MGAM2: variants seen among roughly 807,000 people sequenced by gnomAD.
MGAM2 encodes maltase-glucoamylase 2 (putative).
In MGAM2, 98 loss-of-function variants were observed where a neutral mutation model predicts 96.1. The observed-to-expected ratio is 1.02, with a 90% CI of 0.87 to 1.21. MGAM2 has a LOEUF of 1.21. MGAM2 is among the 50% of genes most tolerant of loss of function. MGAM2 has a pLI of 0.00. For synonymous variants in MGAM2, 749 were observed against 414.8 expected (o/e 1.81, Z -9.79); for missense variants, 2,055 against 1,182.4 (o/e 1.74, Z -10.82).
At chr7:142,182,798 A>G (rs1342786765) in intron 32 of MGAM2, among the ~76,000 whole-genome samples, 3 of 152,100 alleles carry the variant, frequency 2.0e-5, no homozygotes, top group East Asian at 3.9e-4. Context: ...TTGCCTCTCT[A>G]TAGACTGGCA....
At chr7:142,167,243 G>A in intron 25 of MGAM2, 25 bp from the exon 26 acceptor site, 1 of 661,222 alleles carries the variant, frequency 1.5e-6, no homozygotes, top group Non-Finnish European at 2.8e-6. Flanking sequence ...CAGAGGCTGA[G>A]CAAGACTTTC....
intron 15 of MGAM2, among the ~76,000 whole-genome samples, chr7:142,151,395 C>A (rs1795575445): frequency 6.6e-6 from 1 of 152,158 alleles, no homozygotes; most frequent in East Asian, 1.9e-4. Context: ...AAAAAGAAAA[C>A]CTCTAGGAAG....
intron 7 of MGAM2, among the ~76,000 whole-genome samples, chr7:142,135,860 A>G (rs952430730): frequency 6.6e-6 from 1 of 152,072 alleles, no homozygotes; most frequent in Non-Finnish European, 1.5e-5. Flanking sequence ...CTTAAGTATT[A>G]TATGGTAACT....
chr7:142,171,009 A>G (rs559181461), intron 27 of MGAM2, among the ~76,000 whole-genome samples: 60 of 152,356 alleles, frequency 3.9e-4, no homozygotes, highest in Middle Eastern at 3.4e-3. Flanking sequence ...TGAAATAAAT[A>G]GAAGAATGAG....
intron 37 of MGAM2, among the ~76,000 whole-genome samples, chr7:142,194,038 T>A (rs1431740840): frequency 4.3e-5 from 3 of 69,662 alleles, no homozygotes; most frequent in Admixed American, 1.2e-4. Context: ...TTCTTCTTCT[T>A]TTTTTTTTTT....
chr7:142,141,965 T>G (rs113072096), intron 12 of MGAM2, among the ~76,000 whole-genome samples: 4 of 152,158 alleles, frequency 2.6e-5, no homozygotes, highest in African/African-American at 4.8e-5. Context: ...ATATGTAGGG[T>G]CAGCCCTAGA....
intron 26 of MGAM2, among the ~76,000 whole-genome samples, chr7:142,169,715 T>C (rs976949142): frequency 3.9e-5 from 6 of 152,018 alleles, no homozygotes; most frequent in Non-Finnish European, 8.8e-5. Context: ...CTAACATGCA[T>C]GCACACACAC....
Position 142,196,139 on chromosome 7 carries a change from T to A in MGAM2, c.4347-15T>A, listed in dbSNP as rs1442521092. 2.1e-6 allele frequency: 2 copies of A among 975,422 alleles called. No homozygotes were observed. Among genetic ancestry groups the A allele is most frequent in the Non-Finnish European group, 3.2e-6 (2 of 621,810 alleles). The allele number at this position is 975,422 out of a possible 1,614,324, so 60.4% of individuals were successfully genotyped here. A position where few individuals can be genotyped will look rare whatever the true frequency, so the allele number is the denominator to read the frequency against. On this transcript the variant is annotated splice_polypyrimidine_tract_variant and intron_variant, in intron 37 of 47. Coordinates refer to ENST00000477922, the MANE Select transcript of MGAM2 (RefSeq NM_001293626.2). ...TTTGTTTCTTCAACTCACCTCTTTA[T>A]TCCCCTCCCACCAGAGCTGTGCAGG...
chr7:142,178,201 A>G (rs1423417637), intron 32 of MGAM2, among the ~76,000 whole-genome samples: 1 of 152,040 alleles, frequency 6.6e-6, no homozygotes, highest in Admixed American at 6.5e-5. Context: ...CTACTTTTTA[A>G]TGGGATGGTT....
chr7:142,114,212 A>AAGAAAGAAAGAAAGAG (rs1291990105), intron 1 of MGAM2, among the ~76,000 whole-genome samples: 2 of 107,204 alleles, frequency 1.9e-5, no homozygotes, highest in East Asian at 3.3e-4. Flanking sequence ...GAAAGAAAGA[A>AAGAAAGAAAGAAAGAG]AGAGAGAAAG....
intron 32 of MGAM2, among the ~76,000 whole-genome samples, chr7:142,178,548 G>A (rs1007659732): frequency 3.3e-5 from 5 of 152,120 alleles, no homozygotes; most frequent in Non-Finnish European, 7.4e-5. Context: ...AAAGGTAGGA[G>A]TCCAGTACCA....
At chr7:142,132,179 A>G (rs1794909232) in intron 6 of MGAM2, 94 bp downstream of exon 6, 6 of 550,100 alleles carry the variant, frequency 1.1e-5, no homozygotes, top group Non-Finnish European at 1.9e-5. Context: ...AATCAGTACA[A>G]CTAGAGAAAA....
chr7:142,187,455 A>G (rs78928010), intron 35 of MGAM2, among the ~76,000 whole-genome samples: 218 of 152,338 alleles, frequency 1.4e-3, no homozygotes, highest in African/African-American at 5.0e-3. Context: ...GCATTACCTC[A>G]CTATTTTTGC....
intron 46 of MGAM2, among the ~76,000 whole-genome samples, chr7:142,215,411 A>G (rs1393083939): frequency 6.6e-6 from 1 of 152,008 alleles, no homozygotes; most frequent in Non-Finnish European, 1.5e-5. Context: ...TACCTATGTA[A>G]CAAACCTGCA....
At chr7:142,178,460 TTTC>T (rs1228837780) in intron 32 of MGAM2, among the ~76,000 whole-genome samples, 2 of 152,146 alleles carry the variant, frequency 1.3e-5, no homozygotes, top group East Asian at 3.8e-4. Flanking sequence ...TTTCCTAGAT[TTTC>T]TTCTAGGATT....
chr7:142,165,238 G>A (rs903434301), intron 24 of MGAM2, among the ~76,000 whole-genome samples: 15 of 152,130 alleles, frequency 9.9e-5, no homozygotes, highest in African/African-American at 1.7e-4. Flanking sequence ...AGCGGGAGTC[G>A]GAACCCCGAG....
At chr7:142,156,872 T>A (rs1164300473) in intron 17 of MGAM2, among the ~76,000 whole-genome samples, 1 of 152,158 alleles carries the variant, frequency 6.6e-6, no homozygotes, top group Non-Finnish European at 1.5e-5. Context: ...TCTTCCAAAT[T>A]ATATGGAAAA....
chr7:142,170,632 T>C (rs1796157810), intron 27 of MGAM2, among the ~76,000 whole-genome samples: 1 of 152,192 alleles, frequency 6.6e-6, no homozygotes, highest in Non-Finnish European at 1.5e-5. Flanking sequence ...CTTGTAACGT[T>C]TGCTTCTGTG....
chr7:142,158,569 G>C (rs1296097909), intron 19 of MGAM2, among the ~76,000 whole-genome samples: 1 of 152,144 alleles, frequency 6.6e-6, no homozygotes, highest in African/African-American at 2.4e-5. Context: ...TAAGTCCTTA[G>C]GCATATGGCT....
Sources: allele counts gnomAD v4.1 joint callset (sites outside exome capture counted in the v4.1 genomes callset), GRCh38; gene constraint gnomAD v4.1.1; transcripts MANE v1.5; gene names NCBI Gene and HGNC (gene_info 2026-07-23, HGNC 2026-07-21).